The following PIGC variants were observed in gnomAD, a reference collection of about 807,000 sequenced individuals.
PIGC encodes phosphatidylinositol N-acetylglucosaminyltransferase subunit C.
PIGC carries 14 observed loss-of-function variants against 20.9 expected under a neutral mutation model. The observed-to-expected ratio is 0.67, with a 90% CI of 0.44 to 1.05. The LOEUF is 1.05. Ranked by LOEUF, PIGC falls within the 50% of genes least tolerant of loss-of-function variation. The pLI is 0.00. For synonymous variants in PIGC, 132 were observed against 141.4 expected, an observed-to-expected ratio of 0.93 and a Z score of 0.47; for missense variants, 310 against 360.9, an observed-to-expected ratio of 0.86 and a Z score of 1.14.
In PIGC at chr1:172,442,795, A is replaced by T. The variant is rs1446197970; in HGVS notation, c.-173T>A. ...GCAGGGGCTAGGCCTACAATAGATG[A>T]ATTTGTCTCTGAGGCAGGACAACAC... On this transcript the variant is annotated 5_prime_UTR_variant, in exon 2 of 2. Transcript: ENST00000344529. 5.0e-6 allele frequency: 3 copies of T among 602,014 alleles called. No homozygotes were observed. The African/African-American group carries it at 5.5e-5, about 11-fold the overall frequency. 37.3% of individuals were successfully genotyped at this position (602,014 alleles called of 1,614,324 possible).
Position 172,442,446 on chromosome 1 carries a change from G to T in PIGC, c.177C>A (p.Ile59=). ...AAACACAAACACTGCACAGCTGCTG[G>T]ATCACCACACTGGACTCAAATACCA... ...WAVVFESSVV[I]QQLCSVCVFV... is the part of the protein sequence containing the mutation. Residue 59 remains isoleucine (I), a synonymous_variant, in exon 2 of 2, where the codon ATC becomes ATA. Coordinates refer to ENST00000344529, the MANE Select transcript of PIGC (RefSeq NM_153747.2). 1 of 1,614,142 alleles carries T rather than the reference G, an allele frequency of 6.2e-7. No individual in the cohort carries two copies.
Position 172,442,345 on chromosome 1 carries a change from G to A in PIGC, c.278C>T (p.Ser93Leu), listed in dbSNP as rs2149169627. 1 of 1,613,166 alleles carries A rather than the reference G, an allele frequency of 6.2e-7. No homozygotes were observed. Among genetic ancestry groups the A allele is most frequent in the Middle Eastern group, 1.9e-4 (1 of 5,244 alleles). Reference sequence around the variant, plus strand: ...ATCAAACAAAACATACCCAATCAGTGAAGAAGCCAGACCAGTCCCTAAAAG... The same window carrying A: ...ATCAAACAAAACATACCCAATCAGTAAAGAAGCCAGACCAGTCCCTAAAAG... The part of the protein sequence containing the change: ...HWLLGTGLAS[S>L]LIGYVLFDLI... The change falls in exon 2 of 2, where the codon TCA becomes TTA. Residue 93 changes from serine (S) to leucine (L), a missense_variant. Transcript: ENST00000344529.
At position 172,441,695 on chromosome 1, in the gene PIGC, C is replaced by A; in HGVS notation, c.*34G>T. On this transcript the variant is annotated 3_prime_UTR_variant, in exon 2 of 2. Transcript: ENST00000344529. ...TATACTAGTTAGGAGGCTAATCTAT[C>A]AGCTTGCTTTAATAATGTAATGGAT... is the stretch of plus-strand genomic sequence containing the variant. 2.0e-6 allele frequency: 3 copies of A among 1,494,152 alleles called. No individual in the cohort carries two copies. The highest frequency in any genetic ancestry group is 2.7e-6 in the Non-Finnish European group (3 of 1,113,994). 92.6% of individuals were successfully genotyped at this position (1,494,152 alleles called of 1,614,324 possible).
rs1558132453 is a variant in PIGC at position 172,442,446 on chromosome 1, G to A, written c.177C>T (p.Ile59=). Residue 59 remains isoleucine (I), a synonymous_variant, in exon 2 of 2, where the codon ATC becomes ATT. Transcript: ENST00000344529. Reference sequence around the variant, plus strand: ...AAACACAAACACTGCACAGCTGCTGGATCACCACACTGGACTCAAATACCA... The same window carrying A: ...AAACACAAACACTGCACAGCTGCTGAATCACCACACTGGACTCAAATACCA... ...WAVVFESSVV[I]QQLCSVCVFV... is the part of the protein sequence containing the mutation. 6.2e-7 allele frequency: 1 copy of A among 1,614,142 alleles called. No individual in the cohort carries two copies. Among genetic ancestry groups the A allele is most frequent in the Admixed American group, 1.7e-5 (1 of 60,026 alleles).
Position 172,442,713 on chromosome 1 carries a change from C to G in PIGC, c.-91G>C. On this transcript the variant is annotated 5_prime_UTR_variant, in exon 2 of 2. Coordinates refer to ENST00000344529, the MANE Select transcript of PIGC (RefSeq NM_153747.2). ...TCTTTATGAAGTTTTGAAATGAGACCTCCCTGGAAATTCCATGCTGTGTTG... is the reference window on the plus strand; with the variant it reads ...TCTTTATGAAGTTTTGAAATGAGACGTCCCTGGAAATTCCATGCTGTGTTG... 1 of 1,114,006 alleles carries G rather than the reference C, an allele frequency of 9.0e-7. No homozygotes were observed. The highest frequency in any genetic ancestry group is 1.3e-6 in the Non-Finnish European group (1 of 757,480). 69.0% of individuals were successfully genotyped at this position (1,114,006 alleles called of 1,614,324 possible). A position where few individuals can be genotyped will look rare whatever the true frequency, so the allele number is the denominator to read the frequency against.
rs763887668 is a variant in PIGC, at chr1:172,442,424, C to T, written c.199G>A (p.Val67Ile). ...VVIQQLCSVC[V>I]FVVIWWYMDE... ...ATATACCACCAGATAACCACAAAAACACAAACACTGCACAGCTGCTGGATC... is the reference window on the plus strand; with the variant it reads ...ATATACCACCAGATAACCACAAAAATACAAACACTGCACAGCTGCTGGATC... The change falls in exon 2 of 2, where the codon GTT (valine) becomes ATT (isoleucine). Residue 67 changes from valine (V) to isoleucine (I), a missense_variant. Val to Ile is a conservative substitution (Grantham distance 29, BLOSUM62 3). Transcript: ENST00000344529. 1.2e-6 allele frequency: 2 copies of T among 1,614,162 alleles called. No individual in the cohort carries two copies. Among genetic ancestry groups the T allele is most frequent in the South Asian group, 2.2e-5 (2 of 91,080 alleles).
Position 172,441,899 on chromosome 1 carries a change from C to G in PIGC, c.724G>C (p.Gly242Arg). ...TLLFAFSAVG[G>R]LLSISAVGAV... ...CCCACAGCACTAATGGACAGTAGGC[C>G]TCCCACGGCTGAAAATGCAAAAAGC... is the stretch of plus-strand genomic sequence containing the variant. Residue 242 changes from glycine to arginine, a missense_variant, in exon 2 of 2, where the codon GGC (glycine) becomes CGC (arginine). Physicochemically the swap from Gly to Arg is moderately radical, Grantham distance 125. Coordinates refer to ENST00000344529, the MANE Select transcript of PIGC (RefSeq NM_153747.2). 1 of 1,614,156 alleles carries G rather than the reference C, an allele frequency of 6.2e-7. No homozygotes were observed.
rs1455493622 is a variant in PIGC at position 172,441,504 on chromosome 1, A to ATAT, written c.*224_*225insATA. On this transcript the variant is annotated 3_prime_UTR_variant, in exon 2 of 2. Transcript: ENST00000344529. ...GAAACCACATCACTTCATATGTTAC[A>ATAT]GCATGTAATTCAAGAGGTCCCCAGA... The ATAT allele has an allele frequency of 2.4e-4, 100 of 408,948 alleles. No homozygotes were observed. The highest frequency in any genetic ancestry group is 1.9e-3 in the Middle Eastern group (3 of 1,574). The allele number at this position is 408,948 out of a possible 1,614,324, so 25.3% of individuals were successfully genotyped here. A position where few individuals can be genotyped will look rare whatever the true frequency, so the allele number is the denominator to read the frequency against.
At position 172,441,827 on chromosome 1, in the gene PIGC, G is replaced by A. The variant is rs1063412; in HGVS notation, c.796C>T (p.Pro266Ser). The change falls in exon 2 of 2, where the codon CCA becomes TCA. Residue 266 changes from proline to serine, a missense_variant. Physicochemically the swap from Pro to Ser is moderately conservative, Grantham distance 74. Transcript: ENST00000344529. ...AGCTGCAAGCGAATGAGGTAGAATG[G>A]ACACAGACATGAGATAGACATCAGC... ...LLLMSISCLC[P>S]FYLIRLQLFK... The A allele has an allele frequency of 0.55, 882,980 of 1,613,024 alleles. 249,558 individuals carry two copies. The highest frequency in any genetic ancestry group is 0.65 in the East Asian group (29,195 of 44,870).
In PIGC at chr1:172,442,740, T is replaced by C. The variant is rs1422198687; in HGVS notation, c.-118A>G. 4.6e-6 allele frequency: 4 copies of C among 867,300 alleles called. No individual in the cohort carries two copies. The highest frequency in any genetic ancestry group is 3.4e-5 in the African/African-American group (2 of 59,660). 53.7% of individuals were successfully genotyped at this position (867,300 alleles called of 1,614,324 possible). ...CCCTGGAAATTCCATGCTGTGTTGA[T>C]GTTCTACCAACCTTTCCTTGTTTTC... On this transcript the variant is annotated 5_prime_UTR_variant, in exon 2 of 2. Coordinates refer to ENST00000344529, the MANE Select transcript of PIGC (RefSeq NM_153747.2).
At position 172,444,032 on chromosome 1, in the gene PIGC, G is replaced by C. The variant is rs577758801; in HGVS notation, c.-253C>G. On this transcript the variant is annotated 5_prime_UTR_variant, in exon 1 of 2. Coordinates refer to ENST00000344529, the MANE Select transcript of PIGC (RefSeq NM_153747.2). ...CGCAGCTGGGGGACGGCGGCACCCA[G>C]CCTTTTTCCCGCTTCGGGGCGCCGG... The C allele has an allele frequency of 1.0e-6, 1 of 1,000,008 alleles. No homozygotes were observed. Among genetic ancestry groups the C allele is most frequent in the Admixed American group, 6.1e-5 (1 of 16,276 alleles). 61.9% of individuals were successfully genotyped at this position (1,000,008 alleles called of 1,614,324 possible).
intron 1 of PIGC, chr1:172,443,086 C>T: frequency 5.9e-6 from 1 of 169,824 alleles, no homozygotes; most frequent in Middle Eastern, 3.4e-3. Context: ...TAATCCTCAC[C>T]ACCTTGTAAG....
rs1215368770 is a variant in PIGC at position 172,444,001 on chromosome 1, G to C, written c.-222C>G. 2.0e-6 allele frequency: 2 copies of C among 1,000,200 alleles called. No homozygotes were observed. Among genetic ancestry groups the C allele is most frequent in the Non-Finnish European group, 2.4e-6 (2 of 830,184 alleles). The allele number at this position is 1,000,200 out of a possible 1,614,324, so 62.0% of individuals were successfully genotyped here. ...GAACCCACCTACCCGAGAGTTCCTA[G>C]GGTTGCGCAGCTGGGGGACGGCGGC... On this transcript the variant is annotated 5_prime_UTR_variant, in exon 1 of 2. Coordinates refer to ENST00000344529, the MANE Select transcript of PIGC (RefSeq NM_153747.2).
rs1341954860 is a variant in PIGC at position 172,444,018 on chromosome 1, G to C, written c.-239C>G. On this transcript the variant is annotated 5_prime_UTR_variant, in exon 1 of 2. Transcript: ENST00000344529. The stretch of plus-strand genomic sequence containing the variant: ...AGTTCCTAGGGTTGCGCAGCTGGGG[G>C]ACGGCGGCACCCAGCCTTTTTCCCG... The C allele has an allele frequency of 1.3e-5, 13 of 1,000,182 alleles. No individual in the cohort carries two copies. Among genetic ancestry groups the C allele is most frequent in the Non-Finnish European group, 1.6e-5 (13 of 830,188 alleles). 62.0% of individuals were successfully genotyped at this position (1,000,182 alleles called of 1,614,324 possible). A position where few individuals can be genotyped will look rare whatever the true frequency, so the allele number is the denominator to read the frequency against.
rs1217880993 is a variant in PIGC at position 172,441,891 on chromosome 1, C to G, written c.732G>C (p.Leu244=). ...GTACGGCTCCCACAGCACTAATGGA[C>G]AGTAGGCCTCCCACGGCTGAAAATG... ...LFAFSAVGGL[L]SISAVGAVLF... The change falls in exon 2 of 2, where the codon CTG becomes CTC. Residue 244 remains leucine (L), a synonymous_variant. Coordinates refer to ENST00000344529, the MANE Select transcript of PIGC (RefSeq NM_153747.2). The G allele has an allele frequency of 3.1e-6, 5 of 1,613,994 alleles. No individual in the cohort carries two copies. The highest frequency in any genetic ancestry group is 4.2e-6 in the Non-Finnish European group (5 of 1,179,984).
In PIGC at chr1:172,444,055, C is replaced by G. The variant is rs1030827645; in HGVS notation, c.-276G>C. ...CAGCCTTTTTCCCGCTTCGGGGCGC[C>G]GGGGCTGCGACTGTGGCCAAGCACT... On this transcript the variant is annotated 5_prime_UTR_variant, in exon 1 of 2. Transcript: ENST00000344529. 3.0e-5 allele frequency: 30 copies of G among 999,254 alleles called. No individual in the cohort carries two copies. Among genetic ancestry groups the G allele is most frequent in the Non-Finnish European group, 3.6e-5 (30 of 830,256 alleles). The allele number at this position is 999,254 out of a possible 1,614,324, so 61.9% of individuals were successfully genotyped here.
intron 1 of PIGC, 154 bp downstream of exon 1, chr1:172,443,834 C>T: frequency 2.4e-6 from 1 of 409,384 alleles, no homozygotes; most frequent in Non-Finnish European, 3.4e-6. Flanking sequence ...GTAGGGTGAC[C>T]CCAGGGTGCG....
Position 172,442,619 on chromosome 1 carries a change from A to T in PIGC, c.4T>A (p.Tyr2Asn), listed in dbSNP as rs767476786. M[Y>N]AQPVTNTKEV... Reference sequence around the variant, plus strand: ...TTGGTGTTAGTCACAGGTTGAGCATACATTATCCTTTCATTCAAACTCAGG... The same window carrying T: ...TTGGTGTTAGTCACAGGTTGAGCATTCATTATCCTTTCATTCAAACTCAGG... The change falls in exon 2 of 2, where the codon TAT (tyrosine) becomes AAT (asparagine). Residue 2 changes from tyrosine to asparagine, a missense_variant. Coordinates refer to ENST00000344529, the MANE Select transcript of PIGC (RefSeq NM_153747.2). 3 of 1,605,674 alleles carry T rather than the reference A, an allele frequency of 1.9e-6. No individual in the cohort carries two copies. The African/African-American group carries it at 4.0e-5, about 21-fold the overall frequency.
Position 172,442,019 on chromosome 1 carries a change from T to C in PIGC, c.604A>G (p.Met202Val). 1 of 1,614,178 alleles carries C rather than the reference T, an allele frequency of 6.2e-7. No homozygotes were observed. The highest frequency in any genetic ancestry group is 1.1e-5 in the South Asian group (1 of 91,076). ...RLPRSLHAFI[M>V]VTFAIQIFAL... is the part of the protein sequence containing the mutation. ...AAAATCTGAATGGCAAATGTCACCA[T>C]GATGAAGGCATGCAGGGACCGGGGA... Residue 202 changes from methionine (M) to valine (V), a missense_variant, in exon 2 of 2, where the codon ATG (methionine) becomes GTG (valine). By Grantham distance (21) the Met-to-Val change is conservative (BLOSUM62 1). Coordinates refer to ENST00000344529, the MANE Select transcript of PIGC (RefSeq NM_153747.2).
Sources: allele counts gnomAD v4.1 joint callset, GRCh38; gene constraint gnomAD v4.1.1; transcripts MANE v1.5; gene names NCBI Gene and HGNC (gene_info 2026-07-23, HGNC 2026-07-21).